The following CISD2 variants were observed in gnomAD, a reference collection of about 807,000 sequenced individuals.
The protein encoded by CISD2 is CDGSH iron-sulfur domain-containing protein 2.
A neutral mutation model predicts 12.9 loss-of-function variants in CISD2; 1 was observed. The ratio of observed to expected loss-of-function variants is 0.08; its 90% CI spans 0.03 to 0.37. The LOEUF is 0.37. Ranked by LOEUF, CISD2 falls within the 10% of genes least tolerant of loss-of-function variation. The probability of loss-of-function intolerance (pLI) is 0.99; values close to 1 mark genes in which losing one functional copy is unlikely to be tolerated. For missense variants in CISD2, 97 were observed against 163.1 expected (o/e 0.59, Z 2.21); for synonymous variants, 50 against 60.6 (o/e 0.83, Z 0.81).
intron 2 of CISD2, among the ~76,000 whole-genome samples, chr4:102,887,074 CT>C (rs1318740202): frequency 6.6e-6 from 1 of 152,144 alleles, no homozygotes; most frequent in Non-Finnish European, 1.5e-5. Flanking sequence ...ATTCGATTCC[CT>C]TTTAAACCTG....
intron 2 of CISD2, among the ~76,000 whole-genome samples, chr4:102,886,343 T>C (rs1230001352): frequency 1.3e-5 from 2 of 151,662 alleles, no homozygotes; most frequent in African/African-American, 4.8e-5. Context: ...CAAAAAAAAT[T>C]AGCCAGGCGT....
At chr4:102,876,602 T>C (rs571911391) in intron 1 of CISD2, among the ~76,000 whole-genome samples, 1 of 152,062 alleles carries the variant, frequency 6.6e-6, no homozygotes, top group Non-Finnish European at 1.5e-5. Context: ...ACAAAAAAAT[T>C]AGCTGGGTTT....
intron 2 of CISD2, 139 bp downstream of exon 2, chr4:102,885,569 G>C: frequency 1.4e-6 from 1 of 715,730 alleles, no homozygotes; most frequent in Non-Finnish European, 2.4e-6. Context: ...TTCCTAAATT[G>C]AAGTTTTCAT....
chr4:102,885,921 T>C (rs1190146759), intron 2 of CISD2, among the ~76,000 whole-genome samples: 2 of 152,184 alleles, frequency 1.3e-5, no homozygotes, highest in Non-Finnish European at 2.9e-5. Context: ...AATGATAGCC[T>C]CAATTATAGA....
At chr4:102,869,437 C>A (rs778386147) in intron 1 of CISD2, 7 of 706,026 alleles carry the variant, frequency 9.9e-6, no homozygotes, top group South Asian at 8.9e-5. Flanking sequence ...TGGCAAGATA[C>A]CAGGTTTTTG....
At position 102,889,695 on chromosome 4, in the gene CISD2, A is replaced by G. The variant is rs1734139660; in HGVS notation, c.*2265A>G. The G allele has an allele frequency of 6.6e-6, 1 of 152,126 alleles. No homozygotes were observed. The highest frequency in any genetic ancestry group is 1.5e-5 in the Non-Finnish European group (1 of 68,008). The allele number at this position is 152,126 out of a possible 1,614,324, so 9.4% of individuals were successfully genotyped here. ...AAGAGCTATGCCCATATCTTTTCCC[A>G]CCTGTGCACATTTTTCAGAAGCGTA... On this transcript the variant is annotated 3_prime_UTR_variant, in exon 3 of 3. Transcript: ENST00000273986.
intron 2 of CISD2, among the ~76,000 whole-genome samples, chr4:102,885,673 A>G (rs540499419): frequency 3.3e-5 from 5 of 152,362 alleles, no homozygotes; most frequent in African/African-American, 1.2e-4. Flanking sequence ...TATGTAGAGT[A>G]ACATGTATTT....
chr4:102,877,657 A>G (rs986802113), intron 1 of CISD2, among the ~76,000 whole-genome samples: 9 of 152,178 alleles, frequency 5.9e-5, no homozygotes, highest in African/African-American at 1.7e-4. Flanking sequence ...TCCCCTTTGC[A>G]CTGCCCTAGC....
At chr4:102,880,885 G>C (rs1004608962) in intron 1 of CISD2, among the ~76,000 whole-genome samples, 1 of 151,562 alleles carries the variant, frequency 6.6e-6, no homozygotes, top group South Asian at 2.1e-4. Context: ...CCAGCTACTC[G>C]GGAGGTCACT....
chr4:102,869,260 A>AG, intron 1 of CISD2, 73 bp downstream of exon 1: 1 of 1,535,394 alleles, frequency 6.5e-7, no homozygotes, highest in Admixed American at 2.0e-5. Context: ...TAAAAATCCT[A>AG]GGGCCAAGGG....
chr4:102,887,121 A>T (rs1418891907), intron 2 of CISD2, among the ~76,000 whole-genome samples: 1 of 152,194 alleles, frequency 6.6e-6, no homozygotes, highest in Admixed American at 6.5e-5. Context: ...ACTCATTCAT[A>T]GGTTTTTATT....
chr4:102,878,345 G>A (rs748891542), intron 1 of CISD2, among the ~76,000 whole-genome samples: 1 of 152,042 alleles, frequency 6.6e-6, no homozygotes, highest in Non-Finnish European at 1.5e-5. Context: ...TGGCCAGGAC[G>A]GTCTCGATGT....
At position 102,869,448 on chromosome 4, in the gene CISD2, C is replaced by T. The variant is rs1429511550; in HGVS notation, c.103+261C>T. The stretch of plus-strand genomic sequence containing the variant: ...TCCGTGGCAAGATACCAGGTTTTTG[C>T]AGAGAAGGTGCTGAGTTGGGAACAG... On this transcript the variant is annotated intron_variant, in intron 1 of 2. Coordinates refer to ENST00000273986, the MANE Select transcript of CISD2 (RefSeq NM_001008388.5). The T allele has an allele frequency of 9.9e-6, 7 of 703,734 alleles. No homozygotes were observed. In the Admixed American group the frequency reaches 1.2e-4, roughly 12 times the overall value. The allele number at this position is 703,734 out of a possible 1,614,324, so 43.6% of individuals were successfully genotyped here.
intron 1 of CISD2, among the ~76,000 whole-genome samples, chr4:102,881,615 T>A (rs1244352374): frequency 1.3e-5 from 2 of 152,348 alleles, no homozygotes; most frequent in Non-Finnish European, 2.9e-5. Context: ...TCATTTGAAT[T>A]GAGCTTTTCA....
Position 102,888,594 on chromosome 4 carries a change from C to T in CISD2, c.*1164C>T, listed in dbSNP as rs1456845399. On this transcript the variant is annotated 3_prime_UTR_variant, in exon 3 of 3. Coordinates refer to ENST00000273986, the MANE Select transcript of CISD2 (RefSeq NM_001008388.5). ...AAAATTTTTGTGCTTTTTAATCCTA[C>T]TATTATGAATCTTTTTAGTTTCATC... 6.6e-6 allele frequency: 1 copy of T among 152,270 alleles called. No individual in the cohort carries two copies. The highest frequency in any genetic ancestry group is 1.9e-4 in the East Asian group (1 of 5,206). 9.4% of individuals were successfully genotyped at this position (152,270 alleles called of 1,614,324 possible).
At chr4:102,882,711 A>C (rs1733753745) in intron 1 of CISD2, 1 of 152,474 alleles carries the variant, frequency 6.6e-6, no homozygotes, top group Non-Finnish European at 1.5e-5. Flanking sequence ...CTTAATTTTA[A>C]TTTATTTACA....
At chr4:102,871,557 G>T (rs1258854234) in intron 1 of CISD2, among the ~76,000 whole-genome samples, 1 of 151,996 alleles carries the variant, frequency 6.6e-6, no homozygotes, top group Admixed American at 6.6e-5. Context: ...GCCCTTTTTG[G>T]ATTGGACAAA....
intron 1 of CISD2, 105 bp downstream of exon 1, chr4:102,869,292 G>A: frequency 5.5e-6 from 8 of 1,449,222 alleles, no homozygotes; most frequent in Non-Finnish European, 7.5e-6. Context: ...CTCGGCGCCT[G>A]GCACGTGATC....
At chr4:102,880,565 C>T (rs1733691386) in intron 1 of CISD2, among the ~76,000 whole-genome samples, 2 of 151,870 alleles carry the variant, frequency 1.3e-5, no homozygotes, top group Non-Finnish European at 2.9e-5. Context: ...ATAATCCCAG[C>T]TATTTGGGTG....
Sources: gnomAD v4.1 joint callset for allele counts (sites outside exome capture counted in the v4.1 genomes callset) on GRCh38, gnomAD v4.1.1 for gene constraint, MANE v1.5 for transcripts, NCBI Gene and HGNC (gene_info 2026-07-23, HGNC 2026-07-21) for gene names.